CFAP221: variants seen among roughly 807,000 people sequenced by gnomAD.
CFAP221 encodes the protein cilia and flagella associated protein 221.
Under a neutral mutation model 113.1 loss-of-function variants are expected in CFAP221, and 97 were observed. That is an observed-to-expected ratio of 0.86 (90% CI 0.73 to 1.02). The LOEUF (loss-of-function observed/expected upper bound fraction) is 1.02. CFAP221 is among the 50% of genes least tolerant of loss of function. CFAP221 has a pLI of 0.00. For synonymous variants in CFAP221, 331 were observed against 354.4 expected, an observed-to-expected ratio of 0.93 and a Z score of 0.74; for missense variants, 1,025 against 1,013.4, an observed-to-expected ratio of 1.01 and a Z score of -0.16.
chr2:119,658,053 G>A (rs1157490379), downstream of CFAP221, among the ~76,000 whole-genome samples: 1 of 152,086 alleles, frequency 6.6e-6, no homozygotes, highest in Non-Finnish European at 1.5e-5. Flanking sequence ...TTTCTCCTCA[G>A]CTTTTTTCCC....
At chr2:119,605,855 C>G (rs911778188) in intron 11 of CFAP221, among the ~76,000 whole-genome samples, 2 of 152,026 alleles carry the variant, frequency 1.3e-5, no homozygotes, top group Non-Finnish European at 2.9e-5. Context: ...AAGGGTGTCA[C>G]TCTGTCACCC....
chr2:119,573,836 T>C (rs1177777226), intron 6 of CFAP221, among the ~76,000 whole-genome samples: 1 of 152,242 alleles, frequency 6.6e-6, no homozygotes, highest in African/African-American at 2.4e-5. Flanking sequence ...CCAGTCTCTT[T>C]TATGAATTTT....
chr2:119,587,530 G>T (rs1312050787), intron 7 of CFAP221, among the ~76,000 whole-genome samples: 1 of 152,104 alleles, frequency 6.6e-6, no homozygotes, highest in African/African-American at 2.4e-5. Flanking sequence ...GATAAAATAG[G>T]AATCTTCTTT....
intron 6 of CFAP221, among the ~76,000 whole-genome samples, chr2:119,562,596 A>G (rs1293677979): frequency 6.6e-6 from 1 of 152,228 alleles, no homozygotes; most frequent in Non-Finnish European, 1.5e-5. Flanking sequence ...ATACCCATCC[A>G]TTAACCAATC....
chr2:119,643,286 G>A (rs948341436), intron 21 of CFAP221, among the ~76,000 whole-genome samples: 5 of 152,206 alleles, frequency 3.3e-5, no homozygotes, highest in African/African-American at 7.2e-5. Context: ...TATAGTTAGT[G>A]TTTATTTATT....
At position 119,544,516 on chromosome 2, in the gene CFAP221, C is replaced by A. The variant is rs1679910233; in HGVS notation, c.-48+6C>A. 1 of 152,012 alleles carries A rather than the reference C, an allele frequency of 6.6e-6. No homozygotes were observed. The highest frequency in any genetic ancestry group is 6.5e-5 in the Admixed American group (1 of 15,268). 9.4% of individuals were successfully genotyped at this position (152,012 alleles called of 1,614,324 possible). The stretch of plus-strand genomic sequence containing the variant: ...GCCCGGGAACCACCTCCAGGGTGAG[C>A]GGCCAGGGACCTGGGGCCCGGGTGG... On this transcript the variant is annotated splice_donor_region_variant and intron_variant, in intron 1 of 23. Coordinates refer to ENST00000413369, the MANE Select transcript of CFAP221 (RefSeq NM_001271049.2).
intron 11 of CFAP221, among the ~76,000 whole-genome samples, chr2:119,608,165 G>A (rs1010536733): frequency 6.6e-6 from 1 of 152,038 alleles, no homozygotes; most frequent in African/African-American, 2.4e-5. Flanking sequence ...AGCAATACCC[G>A]TTATTTTCCA....
downstream of CFAP221, among the ~76,000 whole-genome samples, chr2:119,656,941 C>T (rs1204832369): frequency 1.3e-5 from 2 of 152,108 alleles, no homozygotes. Context: ...GGCAGGGGAC[C>T]TGGACCTGGA....
intron 6 of CFAP221, among the ~76,000 whole-genome samples, chr2:119,568,984 T>A (rs13425791): frequency 0.031 from 4,677 of 152,200 alleles, 136 homozygotes; most frequent in African/African-American, 0.079. Context: ...GAATTCTGAG[T>A]CGGTGGTTTT....
Position 119,627,719 on chromosome 2 carries a change from T to C in CFAP221, c.1583T>C (p.Val528Ala). The C allele has an allele frequency of 6.2e-7, 1 of 1,613,994 alleles. No homozygotes were observed. Among genetic ancestry groups the C allele is most frequent in the Non-Finnish European group, 8.5e-7 (1 of 1,179,976 alleles). Residue 528 changes from valine (V) to alanine (A), a missense_variant, in exon 16 of 24, where the codon GTG becomes GCG. Coordinates refer to ENST00000413369, the MANE Select transcript of CFAP221 (RefSeq NM_001271049.2). Reference sequence around the variant, plus strand: ...GATGATTATACCAGCCGGTTCTCTGTGTCGCCCAAGGAGGTGCTGCCCTTC... The same window carrying C: ...GATGATTATACCAGCCGGTTCTCTGCGTCGCCCAAGGAGGTGCTGCCCTTC... ...SQDDYTSRFS[V>A]SPKEVLPFAF...
chr2:119,577,020 G>T (rs114882570), intron 6 of CFAP221, among the ~76,000 whole-genome samples: 274 of 152,322 alleles, frequency 1.8e-3, no homozygotes, highest in Middle Eastern at 3.4e-3. Context: ...TTTTATAAAA[G>T]GTCTTGGCAT....
intron 12 of CFAP221, among the ~76,000 whole-genome samples, chr2:119,610,984 G>A (rs763191896): frequency 9.9e-5 from 15 of 152,088 alleles, no homozygotes; most frequent in Non-Finnish European, 1.8e-4. Flanking sequence ...GGGCCCAGGC[G>A]TCATCAGGGA....
At chr2:119,574,424 T>A (rs1472517318) in intron 6 of CFAP221, among the ~76,000 whole-genome samples, 1 of 152,218 alleles carries the variant, frequency 6.6e-6, no homozygotes, top group African/African-American at 2.4e-5. Flanking sequence ...TTAGAAAAAG[T>A]GTTCATGGAT....
In CFAP221 at chr2:119,611,207, T is replaced by C. The variant is rs185466909; in HGVS notation, c.1222-446T>C. ...TTAAATGTCTTTTTAATGAAATTTGTATAGTCCCATAGTTACAGTTTCCTA... is the reference window on the plus strand; with the variant it reads ...TTAAATGTCTTTTTAATGAAATTTGCATAGTCCCATAGTTACAGTTTCCTA... On this transcript the variant is annotated intron_variant, in intron 12 of 23. Coordinates refer to ENST00000413369, the MANE Select transcript of CFAP221 (RefSeq NM_001271049.2). 3.3e-5 allele frequency among the ~76,000 whole-genome samples: 5 copies of C among 152,280 alleles called. No homozygotes were observed. The East Asian group carries it at 9.6e-4, about 29-fold the overall frequency.
rs551459323 is a variant in CFAP221 at position 119,643,931 on chromosome 2, T to C, written c.2226-3027T>C. 7.3e-5 allele frequency among the ~76,000 whole-genome samples: 11 copies of C among 151,324 alleles called. 1 individual carries two copies. Among genetic ancestry groups the C allele is most frequent in the South Asian group, 4.2e-4 (2 of 4,710 alleles). On this transcript the variant is annotated intron_variant, in intron 21 of 23. Transcript: ENST00000413369. ...ACTTTGGGAGGCCAAGGCAGGAGGATCACTTGAGGTCAGGAGTTCAAGACC... is the reference window on the plus strand; with the variant it reads ...ACTTTGGGAGGCCAAGGCAGGAGGACCACTTGAGGTCAGGAGTTCAAGACC...
chr2:119,624,177 A>G (rs186896379), intron 14 of CFAP221, among the ~76,000 whole-genome samples: 49 of 152,342 alleles, frequency 3.2e-4, no homozygotes, highest in Non-Finnish European at 5.1e-4. Flanking sequence ...TTATAAGAAC[A>G]AAACAAACAA....
Position 119,630,551 on chromosome 2 carries a change from A to G in CFAP221, c.1732-19A>G. On this transcript the variant is annotated intron_variant, in intron 17 of 23. Transcript: ENST00000413369. ...TGGTAACAGGTTTTTAAGGATTTTC[A>G]ATCTTCTTTCACCTTCAGGTTCCTC... The G allele has an allele frequency of 4.5e-6, 7 of 1,562,130 alleles. No homozygotes were observed. Among genetic ancestry groups the G allele is most frequent in the Non-Finnish European group, 6.2e-6 (7 of 1,135,334 alleles).
intron 14 of CFAP221, among the ~76,000 whole-genome samples, 158 bp from the exon 15 acceptor site, chr2:119,625,425 C>T (rs1309429623): frequency 6.6e-6 from 1 of 152,106 alleles, no homozygotes. Context: ...TCCCTGTGGC[C>T]GCAGCCTAGG....
In CFAP221 at chr2:119,629,929, C is replaced by A; in HGVS notation, c.1705C>A (p.Gln569Lys). Residue 569 changes from glutamine to lysine, a missense_variant, in exon 17 of 24, where the codon CAG becomes AAG. By Grantham distance (53) the Gln-to-Lys change is moderately conservative. Coordinates refer to ENST00000413369, the MANE Select transcript of CFAP221 (RefSeq NM_001271049.2). ...PIKSSEVQIK[Q>K]SYSFFNLQVP... ...TAAGTCTTCAGAAGTTCAAATCAAG[C>A]AGAGTTATTCCTTCTTCAATCTGCA... 1 of 1,613,344 alleles carries A rather than the reference C, an allele frequency of 6.2e-7. No homozygotes were observed. Among genetic ancestry groups the A allele is most frequent in the Non-Finnish European group, 8.5e-7 (1 of 1,179,354 alleles).
Sources: allele counts gnomAD v4.1 joint callset (sites outside exome capture counted in the v4.1 genomes callset), GRCh38; gene constraint gnomAD v4.1.1; transcripts MANE v1.5; gene names NCBI Gene and HGNC (gene_info 2026-07-23, HGNC 2026-07-21).